THSD7B: variants seen among roughly 807,000 people sequenced by gnomAD.
THSD7B encodes thrombospondin type 1 domain containing 7B, also known as thrombospondin type-1 domain-containing protein 7B.
In THSD7B, 138 loss-of-function variants were observed where a neutral mutation model predicts 213.6. The observed-to-expected ratio is 0.65, with a 90% CI of 0.56 to 0.74. THSD7B has a LOEUF of 0.74. THSD7B is among the 30% of genes least tolerant of loss of function. THSD7B has a pLI of 0.00. For synonymous variants in THSD7B, 742 were observed against 687.0 expected (o/e 1.08, Z -1.25); for missense variants, 1,931 against 1,991.5 (o/e 0.97, Z 0.58).
intron 15 of THSD7B, among the ~76,000 whole-genome samples, chr2:137,555,195 G>A (rs1403443303): frequency 6.6e-6 from 1 of 152,200 alleles, no homozygotes; most frequent in Non-Finnish European, 1.5e-5. Flanking sequence ...GAAGAGAGTA[G>A]TGGTTCTCCT....
intron 2 of THSD7B, among the ~76,000 whole-genome samples, chr2:136,897,938 C>G (rs1395562532): frequency 6.6e-6 from 1 of 150,958 alleles, no homozygotes; most frequent in East Asian, 1.9e-4. Flanking sequence ...TAGCTAGACA[C>G]AGAGCGCTTG....
intron 3 of THSD7B, among the ~76,000 whole-genome samples, chr2:137,074,803 T>A (rs890164473): frequency 2.2e-4 from 34 of 152,310 alleles, no homozygotes; most frequent in African/African-American, 7.5e-4. Context: ...TCTCTCAGCA[T>A]TTGCTTGTCT....
intron 12 of THSD7B, among the ~76,000 whole-genome samples, chr2:137,277,236 G>A (rs1682896469): frequency 6.6e-6 from 1 of 151,990 alleles, no homozygotes; most frequent in Non-Finnish European, 1.5e-5. Flanking sequence ...GATATTGTAT[G>A]TAAATGATGT....
chr2:137,352,197 TA>T (rs760691176), intron 12 of THSD7B, among the ~76,000 whole-genome samples: 2 of 151,370 alleles, frequency 1.3e-5, no homozygotes, highest in African/African-American at 4.8e-5. Context: ...AGAGAGGAGA[TA>T]AAAAAATTTT....
intron 1 of THSD7B, among the ~76,000 whole-genome samples, chr2:136,865,897 A>T (rs761756812): frequency 6.6e-6 from 1 of 152,210 alleles, no homozygotes; most frequent in African/African-American, 2.4e-5. Context: ...CCACCCTGCA[A>T]CCAATAACAA....
At position 137,490,413 on chromosome 2, in the gene THSD7B, A is replaced by G. The variant is rs1688578080; in HGVS notation, c.3138+39390A>G. ...TAAGTTAAATATTTTCATAGGGTGC[A>G]GCTGGAGCTTTAAAAGTTACTTTTT... On this transcript the variant is annotated intron_variant, in intron 15 of 27. Coordinates refer to ENST00000409968, the MANE Select transcript of THSD7B (RefSeq NM_001316349.2). 2.6e-5 allele frequency among the ~76,000 whole-genome samples: 4 copies of G among 152,336 alleles called. No individual in the cohort carries two copies. The South Asian group carries it at 8.3e-4, about 32-fold the overall frequency.
intron 15 of THSD7B, among the ~76,000 whole-genome samples, chr2:137,560,182 A>T (rs1258946548): frequency 1.3e-5 from 2 of 152,180 alleles, no homozygotes; most frequent in Non-Finnish European, 2.9e-5. Context: ...AACTAGAAAT[A>T]CCATTTGACC....
intron 1 of THSD7B, among the ~76,000 whole-genome samples, chr2:136,781,138 A>G (rs1285760638): frequency 6.6e-6 from 1 of 152,178 alleles, no homozygotes; most frequent in Non-Finnish European, 1.5e-5. Context: ...TTTAATATAC[A>G]TTATCAAAAA....
chr2:137,553,014 CACA>C (rs147935942), intron 15 of THSD7B, among the ~76,000 whole-genome samples: 6,518 of 152,162 alleles, frequency 0.043, 248 homozygotes, highest in African/African-American at 0.11. Context: ...GGAAAGAGCT[CACA>C]ACATTTGGAG....
chr2:137,579,268 C>T (rs555057898), intron 17 of THSD7B, among the ~76,000 whole-genome samples: 1 of 152,150 alleles, frequency 6.6e-6, no homozygotes, highest in Non-Finnish European at 1.5e-5. Context: ...AAAAGGCTGA[C>T]ATTCCCATGA....
intron 12 of THSD7B, among the ~76,000 whole-genome samples, chr2:137,329,600 C>T (rs575868418): frequency 6.6e-6 from 1 of 152,216 alleles, no homozygotes; most frequent in African/African-American, 2.4e-5. Context: ...CTCCTGACTT[C>T]GTGATCTGCC....
chr2:136,806,108 G>A (rs1214778882), intron 1 of THSD7B, among the ~76,000 whole-genome samples: 1 of 152,194 alleles, frequency 6.6e-6, no homozygotes, highest in Admixed American at 6.5e-5. Flanking sequence ...CTTGGCCACA[G>A]CATTGCCAAA....
chr2:137,393,206 T>C (rs1315874144), intron 12 of THSD7B, among the ~76,000 whole-genome samples: 1 of 151,006 alleles, frequency 6.6e-6, no homozygotes, highest in Admixed American at 6.6e-5. Context: ...CATGTGCACA[T>C]TGTGCAGGTT....
intron 1 of THSD7B, among the ~76,000 whole-genome samples, chr2:136,770,333 TCTC>T (rs1208379059): frequency 6.6e-6 from 1 of 152,200 alleles, no homozygotes; most frequent in East Asian, 1.9e-4. Flanking sequence ...GCTTCTGGGC[TCTC>T]CTCTATTGAT....
At chr2:137,275,875 G>A (rs758142738) in intron 11 of THSD7B, 48 bp from the exon 12 acceptor site, 139 of 1,384,208 alleles carry the variant, frequency 1.0e-4, no homozygotes, top group East Asian at 4.4e-4. Context: ...TTTCTTCCTC[G>A]TGTTGATCAC....
In THSD7B at chr2:136,782,353, T is replaced by C. The variant is rs116266704; in HGVS notation, c.-36+16666T>C. 7.1e-3 allele frequency among the ~76,000 whole-genome samples: 1,083 copies of C among 152,284 alleles called. 23 individuals are homozygous for C. The highest frequency in any genetic ancestry group is 0.025 in the African/African-American group (1,030 of 41,532). On this transcript the variant is annotated intron_variant, in intron 1 of 27. Transcript: ENST00000409968. ...GGCTCTGCTAATTCCACCTCCTTCA[T>C]TGGTCTCTCTTTCCTCCTTCTTAGC... is the stretch of plus-strand genomic sequence containing the variant.
chr2:137,045,145 T>G (rs1175323096), intron 2 of THSD7B, among the ~76,000 whole-genome samples: 1 of 152,196 alleles, frequency 6.6e-6, no homozygotes, highest in Non-Finnish European at 1.5e-5. Context: ...GAAGATTCAT[T>G]CAGATGGTAG....
chr2:137,047,634 G>A (rs867343628), intron 2 of THSD7B, among the ~76,000 whole-genome samples: 3 of 152,158 alleles, frequency 2.0e-5, no homozygotes, highest in African/African-American at 7.2e-5. Flanking sequence ...ATCTCAAGCC[G>A]TGGTCCACCA....
intron 12 of THSD7B, among the ~76,000 whole-genome samples, chr2:137,389,492 T>C (rs1172059887): frequency 6.7e-6 from 1 of 148,534 alleles, no homozygotes; most frequent in Non-Finnish European, 1.5e-5. Context: ...GATGGATAGT[T>C]TGCAAATATT....
Sources: gnomAD v4.1 joint callset for allele counts (sites outside exome capture counted in the v4.1 genomes callset) on GRCh38, gnomAD v4.1.1 for gene constraint, MANE v1.5 for transcripts, NCBI Gene and HGNC (gene_info 2026-07-23, HGNC 2026-07-21) for gene names.